The following TTC6 variants were observed in gnomAD, a reference collection of about 807,000 sequenced individuals.
TTC6 encodes the protein tetratricopeptide repeat domain 6, also known as tetratricopeptide repeat protein 6.
TTC6 carries 172 observed loss-of-function variants against 210.4 expected under a neutral mutation model. That is an observed-to-expected ratio of 0.82 (90% CI 0.72 to 0.93). The LOEUF (loss-of-function observed/expected upper bound fraction) is 0.93. Among genes scored for constraint, TTC6 ranks in the 40% least tolerant of loss-of-function variants. The pLI, the probability that TTC6 is intolerant of heterozygous loss-of-function variation, is 0.00. For missense variants in TTC6, 2,414 were observed against 2,318.1 expected (o/e 1.04, Z -0.85); for synonymous variants, 804 against 819.6 (o/e 0.98, Z 0.32).
At chr14:37,751,266 A>AGATTGC (rs577802506) in intron 13 of TTC6, 41 bp downstream of exon 15, 839 of 1,409,776 alleles carry the variant, frequency 6.0e-4, no homozygotes, top group Non-Finnish European at 7.5e-4. Context: ...TATATAGTTT[A>AGATTGC]GATTGCGATA....
intron 2 of TTC6, among the ~76,000 whole-genome samples, chr14:37,610,748 T>C (rs576289024): frequency 3.9e-5 from 6 of 152,348 alleles, no homozygotes; most frequent in Admixed American, 3.9e-4. Context: ...GTTATCACTT[T>C]CTTGTGTTTA....
chr14:37,612,797 A>G (rs2095636756), intron 2 of TTC6, among the ~76,000 whole-genome samples: 1 of 152,204 alleles, frequency 6.6e-6, no homozygotes. Context: ...TGCTGCTACT[A>G]TATAAACATG....
Position 37,808,774 on chromosome 14 carries a change from C to T in TTC6, c.4497C>T (p.Ser1499=), listed in dbSNP as rs768874589. Residue 1499 remains serine (S), a synonymous_variant, in exon 24 of 31, where the codon AGC becomes AGT. Transcript: ENST00000553443. ...TTACAGATTTAACTACAGCTATCAG[C>T]ATGGACAAAAATAGTTATACAGCAT... 5.9e-6 allele frequency: 9 copies of T among 1,522,944 alleles called. No homozygotes were observed. In the African/African-American group the frequency reaches 1.2e-4, roughly 20 times the overall value. The allele number at this position is 1,522,944 out of a possible 1,614,324, so 94.3% of individuals were successfully genotyped here. A position where few individuals can be genotyped will look rare whatever the true frequency, so the allele number is the denominator to read the frequency against.
chr14:37,645,262 G>T (rs1002509235), intron 1 of TTC6, among the ~76,000 whole-genome samples: 4 of 152,338 alleles, frequency 2.6e-5, no homozygotes, highest in South Asian at 4.1e-4. Flanking sequence ...TAGCATGTCA[G>T]CAGTGTCTCA....
intron 14 of TTC6, among the ~76,000 whole-genome samples, chr14:37,771,592 G>C (rs975429327): frequency 6.6e-6 from 1 of 151,974 alleles, no homozygotes; most frequent in African/African-American, 2.4e-5. Context: ...CCAGTTGATT[G>C]CATTGGCTCC....
chr14:37,792,286 A>C (rs1336338681), exon 17 of TTC6: 2 of 1,517,126 alleles, frequency 1.3e-6, no homozygotes, highest in African/African-American at 2.8e-5. Flanking sequence ...GGCTTATGTA[A>C]ATATTGGCCT....
intron 26 of TTC6, among the ~76,000 whole-genome samples, chr14:37,822,487 C>A (rs1306675062): frequency 3.9e-5 from 6 of 152,010 alleles, no homozygotes; most frequent in African/African-American, 1.4e-4. Context: ...AAATTTGAAA[C>A]CTGTTTGAGA....
intron 1 of TTC6, among the ~76,000 whole-genome samples, chr14:37,625,791 G>A (rs2095659288): frequency 6.6e-6 from 1 of 152,146 alleles, no homozygotes; most frequent in South Asian, 2.1e-4. Flanking sequence ...AGGCTGGACT[G>A]TCTTTGTTGA....
At chr14:37,770,582 T>C (rs1363866713) in intron 14 of TTC6, among the ~76,000 whole-genome samples, 2 of 152,084 alleles carry the variant, frequency 1.3e-5, no homozygotes, top group East Asian at 3.9e-4. Context: ...TCTTTTGATC[T>C]TTGTTGGTTT....
chr14:37,796,569 A>G (rs1437479969), intron 19 of TTC6, among the ~76,000 whole-genome samples, 199 bp downstream of exon 21: 1 of 152,102 alleles, frequency 6.6e-6, no homozygotes, highest in Non-Finnish European at 1.5e-5. Flanking sequence ...TTTATGGGAA[A>G]TATTAAGCTT....
At chr14:37,839,172 T>A (rs1462232121) in intron 29 of TTC6, among the ~76,000 whole-genome samples, 1 of 152,216 alleles carries the variant, frequency 6.6e-6, no homozygotes, top group Non-Finnish European at 1.5e-5. Context: ...AGTAATGGGA[T>A]TGCTGGGTCA....
intron 1 of TTC6, among the ~76,000 whole-genome samples, chr14:37,628,724 G>A (rs941413699): frequency 6.6e-6 from 1 of 152,254 alleles, no homozygotes; most frequent in Admixed American, 6.5e-5. Context: ...TTCTTCTAGG[G>A]TTTTTATAGT....
rs150037354 is a variant in TTC6, at chr14:37,685,374, G to A, written c.1257+2410G>A. 2.6e-3 allele frequency among the ~76,000 whole-genome samples: 392 copies of A among 152,238 alleles called. 3 individuals are homozygous for A. The highest frequency in any genetic ancestry group is 8.8e-3 in the African/African-American group (365 of 41,554). ...GCATGTTGCTATGAAATTGTACCAA[G>A]AAAGCCGAGATCCAGAATGGGTTTA... On this transcript the variant is annotated intron_variant, in intron 3 of 30. Transcript: ENST00000553443.
At chr14:37,710,415 TACAATC>T (rs2095842785) in intron 5 of TTC6, among the ~76,000 whole-genome samples, 1 of 152,130 alleles carries the variant, frequency 6.6e-6, no homozygotes, top group East Asian at 1.9e-4. Flanking sequence ...AACAGCATCA[TACAATC>T]ACAAATATAT....
At chr14:37,644,076 G>A (rs557406488) in intron 1 of TTC6, among the ~76,000 whole-genome samples, 1 of 152,146 alleles carries the variant, frequency 6.6e-6, no homozygotes, top group Non-Finnish European at 1.5e-5. Context: ...ATTCATATCA[G>A]CTGTCGCTAG....
intron 7 of TTC6, among the ~76,000 whole-genome samples, chr14:37,729,326 TA>T (rs1398497320): frequency 3.3e-5 from 5 of 152,332 alleles, no homozygotes; most frequent in Admixed American, 1.3e-4. Flanking sequence ...GATTGGTGAA[TA>T]TTAATTTGCA....
At chr14:37,763,453 T>G (rs962150599) in intron 14 of TTC6, among the ~76,000 whole-genome samples, 10 of 152,150 alleles carry the variant, frequency 6.6e-5, no homozygotes, top group African/African-American at 2.4e-4. Context: ...CTTTTCTATG[T>G]TTTTTGATGA....
At chr14:37,837,445 C>T (rs1300947791) in intron 29 of TTC6, 1 of 454,178 alleles carries the variant, frequency 2.2e-6, no homozygotes, top group Non-Finnish European at 4.4e-6. Flanking sequence ...AATTCTGTCC[C>T]CCCTCCCCCC....
intron 2 of TTC6, among the ~76,000 whole-genome samples, chr14:37,607,835 G>A (rs1226528183): frequency 6.6e-6 from 1 of 151,986 alleles, no homozygotes; most frequent in African/African-American, 2.4e-5. Flanking sequence ...TTGCTATGTT[G>A]CTCAGAATGC....
Sources: allele counts gnomAD v4.1 joint callset (sites outside exome capture counted in the v4.1 genomes callset), GRCh38; gene constraint gnomAD v4.1.1; transcripts MANE v1.5; gene names NCBI Gene and HGNC (gene_info 2026-07-23, HGNC 2026-07-21).